The following FANCB variants were observed in gnomAD, a reference collection of about 807,000 sequenced individuals.
FANCB encodes the protein Fanconi anemia group B protein.
FANCB carries 5 observed loss-of-function variants against 38.9 expected under a neutral mutation model. The observed-to-expected ratio is 0.13, with a 90% CI of 0.07 to 0.27. FANCB has a LOEUF of 0.27. Ranked by LOEUF, FANCB falls within the 10% of genes least tolerant of loss-of-function variation. FANCB has a pLI of 1.00. For synonymous variants in FANCB, 236 were observed against 215.4 expected (o/e 1.10, Z -0.84); for missense variants, 573 against 602.7 (o/e 0.95, Z 0.52).
chrX:14,724,396 C>T, the FANCB span, among the ~76,000 whole-genome samples: 6 of 109,737 alleles, frequency 5.5e-5, no homozygotes, highest in South Asian at 1.2e-3. Context: ...GAGGCCGAAG[C>T]GGGTGCATCA....
At chrX:14,758,659 C>G in the FANCB span, among the ~76,000 whole-genome samples, 7 of 111,657 alleles carry the variant, frequency 6.3e-5, 1 homozygote, top group Non-Finnish European at 1.3e-4. Flanking sequence ...AAGTCATATT[C>G]CTAGGGGAAA....
chrX:14,831,292 A>T (rs193272501), downstream of FANCB, among the ~76,000 whole-genome samples: 1 of 112,674 alleles, frequency 8.9e-6, no homozygotes, highest in Non-Finnish European at 1.9e-5. Flanking sequence ...GCCTAAAAGG[A>T]AGTTAGAGTA....
At chrX:14,840,747 G>A (rs2092352842), downstream of FANCB, among the ~76,000 whole-genome samples, 1 of 111,905 alleles carries the variant, frequency 8.9e-6, no homozygotes, top group African/African-American at 3.2e-5. Context: ...AATAATTTAA[G>A]TTAAGGATGC....
the FANCB span, among the ~76,000 whole-genome samples, chrX:14,792,670 A>T: frequency 1.8e-5 from 2 of 112,072 alleles, no homozygotes; most frequent in South Asian, 3.6e-4. Context: ...CCATATTTAT[A>T]TTGTAGGAGA....
At chrX:14,817,641 C>T in the FANCB span, among the ~76,000 whole-genome samples, 84 of 111,516 alleles carry the variant, frequency 7.5e-4, no homozygotes, top group Non-Finnish European at 3.6e-4. Flanking sequence ...ACATTGTCAG[C>T]GCATAATAAC....
At chrX:14,794,332 T>C in the FANCB span, among the ~76,000 whole-genome samples, 1 of 111,406 alleles carries the variant, frequency 9.0e-6, no homozygotes, top group Non-Finnish European at 1.9e-5. Flanking sequence ...GGCTGTGATG[T>C]TGCTATTAAA....
chrX:14,741,506 C>T, the FANCB span, among the ~76,000 whole-genome samples: 1 of 111,435 alleles, frequency 9.0e-6, no homozygotes, highest in Non-Finnish European at 1.9e-5. Context: ...CAGAATAAAT[C>T]GCCCCAGCTA....
the FANCB span, among the ~76,000 whole-genome samples, chrX:14,788,275 ACCCACT>A: frequency 9.0e-6 from 1 of 111,267 alleles, no homozygotes; most frequent in Non-Finnish European, 1.9e-5. Context: ...TGACGCAGTT[ACCCACT>A]ACTACATAAG....
At chrX:14,849,813 A>C (rs2092393112) in intron 7 of FANCB, among the ~76,000 whole-genome samples, 1 of 111,393 alleles carries the variant, frequency 9.0e-6, no homozygotes, top group Non-Finnish European at 1.9e-5. Context: ...TATTAACTCA[A>C]TGCATTTGTG....
At chrX:14,761,674 T>C in the FANCB span, among the ~76,000 whole-genome samples, 1 of 111,453 alleles carries the variant, frequency 9.0e-6, no homozygotes, top group Admixed American at 9.6e-5. Context: ...ATTAGCAGTA[T>C]GATTGCGATA....
the FANCB span, among the ~76,000 whole-genome samples, chrX:14,689,934 CACTT>C: frequency 2.7e-5 from 3 of 112,197 alleles, no homozygotes; most frequent in Non-Finnish European, 5.6e-5. Flanking sequence ...ACTTACTAAA[CACTT>C]AAGCAAACAC....
chrX:14,727,426 C>G, the FANCB span, among the ~76,000 whole-genome samples: 4 of 112,064 alleles, frequency 3.6e-5, no homozygotes, highest in Admixed American at 9.5e-5. Flanking sequence ...TCTCTCTTTA[C>G]TAAACCAACT....
the FANCB span, among the ~76,000 whole-genome samples, chrX:14,817,294 T>C: frequency 9.0e-6 from 1 of 111,696 alleles, no homozygotes; most frequent in African/African-American, 3.3e-5. Context: ...TATAAATTAT[T>C]TCCTCCTCTG....
the FANCB span, among the ~76,000 whole-genome samples, chrX:14,819,885 A>G: frequency 9.0e-6 from 1 of 111,623 alleles, no homozygotes; most frequent in Non-Finnish European, 1.9e-5. Context: ...CTGCCTGCTT[A>G]GTATTGCTCC....
chrX:14,703,082 A>G, the FANCB span, among the ~76,000 whole-genome samples: 1 of 111,842 alleles, frequency 8.9e-6, no homozygotes, highest in Non-Finnish European at 1.9e-5. Context: ...GGGCTATGCA[A>G]AGCAGTCAGG....
chrX:14,714,459 G>A, the FANCB span, among the ~76,000 whole-genome samples: 57 of 111,812 alleles, frequency 5.1e-4, no homozygotes, highest in African/African-American at 1.8e-3. Context: ...CCACCATTAT[G>A]AGAAGAAATA....
chrX:14,747,295 A>G, the FANCB span, among the ~76,000 whole-genome samples: 1 of 112,557 alleles, frequency 8.9e-6, no homozygotes, highest in Non-Finnish European at 1.9e-5. Flanking sequence ...CTAATTCTAG[A>G]GTACAGAATT....
the FANCB span, among the ~76,000 whole-genome samples, chrX:14,793,616 A>G: frequency 1.2e-4 from 13 of 112,336 alleles, no homozygotes; most frequent in Non-Finnish European, 2.3e-4. Context: ...CAAGAAATTC[A>G]ATTAATCTCT....
intron 5 of FANCB, among the ~76,000 whole-genome samples, chrX:14,854,375 A>T (rs1332003644): frequency 8.9e-6 from 1 of 111,876 alleles, no homozygotes; most frequent in African/African-American, 3.3e-5. Context: ...TTACTCCAGG[A>T]CAATATAGTG....
Sources: gnomAD v4.1 joint callset for allele counts (sites outside exome capture counted in the v4.1 genomes callset) on GRCh38, gnomAD v4.1.1 for gene constraint, MANE v1.5 for transcripts, NCBI Gene and HGNC (gene_info 2026-07-23, HGNC 2026-07-21) for gene names.